Variants in RABGAP1L observed in about 807,000 individuals in gnomAD.
RABGAP1L encodes RAB GTPase activating protein 1 like.
A neutral mutation model predicts 137.7 loss-of-function variants in RABGAP1L; 63 were observed. The ratio of observed to expected loss-of-function variants is 0.46; its 90% confidence interval spans 0.37 to 0.56. The LOEUF (loss-of-function observed/expected upper bound fraction) is 0.56. RABGAP1L is among the 20% of genes least tolerant of loss of function. The pLI is 0.00. For missense variants in RABGAP1L, 1,095 were observed against 1,244.0 expected (o/e 0.88, Z 1.80); for synonymous variants, 431 against 433.7 (o/e 0.99, Z 0.08).
At chr1:174,361,772 T>A (rs887948976) in intron 11 of RABGAP1L, among the ~76,000 whole-genome samples, 2 of 152,216 alleles carry the variant, frequency 1.3e-5, no homozygotes, top group Non-Finnish European at 2.9e-5. Context: ...CCCTTTATTT[T>A]TACTTTTTTA....
chr1:174,221,994 AT>A (rs561413366), intron 3 of RABGAP1L, among the ~76,000 whole-genome samples: 34,226 of 144,056 alleles, frequency 0.24, 4,030 homozygotes, highest in Admixed American at 0.27. Context: ...TGCCTAGCTA[AT>A]TTTTTTTTTT....
At chr1:174,898,907 T>C (rs1057142148) in intron 19 of RABGAP1L, among the ~76,000 whole-genome samples, 1 of 152,162 alleles carries the variant, frequency 6.6e-6, no homozygotes, top group Admixed American at 6.5e-5. Flanking sequence ...GCAGGCAAGA[T>C]TGATATTAAA....
At chr1:174,665,271 T>C (rs1379550970) in intron 14 of RABGAP1L, among the ~76,000 whole-genome samples, 2 of 152,182 alleles carry the variant, frequency 1.3e-5, no homozygotes, top group Non-Finnish European at 2.9e-5. Flanking sequence ...GAACAAATTA[T>C]TTAACCTACC....
intron 24 of RABGAP1L, among the ~76,000 whole-genome samples, chr1:174,988,034 C>T (rs1435843686): frequency 6.6e-6 from 1 of 152,208 alleles, no homozygotes; most frequent in Non-Finnish European, 1.5e-5. Context: ...TGGTCTCAAT[C>T]TCCTGACCTT....
At chr1:174,982,798 C>T (rs1671250491) in intron 23 of RABGAP1L, 36 bp from the exon 24 acceptor site, 1 of 1,541,176 alleles carries the variant, frequency 6.5e-7, no homozygotes, top group Non-Finnish European at 8.8e-7. Context: ...AAGAGTTGTT[C>T]TGTTTTCTAG....
intron 1 of RABGAP1L, 36 bp from the exon 2 acceptor site, chr1:174,219,089 G>T (rs1176634278): frequency 7.1e-7 from 1 of 1,400,364 alleles, no homozygotes; most frequent in African/African-American, 1.5e-5. Context: ...TTTTTAATCA[G>T]TAGGTTTTTT....
At chr1:174,268,838 C>T (rs1465625778) in intron 7 of RABGAP1L, among the ~76,000 whole-genome samples, 1 of 152,092 alleles carries the variant, frequency 6.6e-6, no homozygotes, top group Admixed American at 6.6e-5. Flanking sequence ...GGAGAGCTTT[C>T]TCTTCTTAAT....
At chr1:174,551,772 A>G (rs1473585204) in intron 13 of RABGAP1L, among the ~76,000 whole-genome samples, 3 of 152,058 alleles carry the variant, frequency 2.0e-5, no homozygotes, top group African/African-American at 7.2e-5. Flanking sequence ...AAAAATTAAT[A>G]AAATTGGTAA....
intron 13 of RABGAP1L, among the ~76,000 whole-genome samples, chr1:174,516,211 A>G (rs1384862509): frequency 6.6e-6 from 1 of 151,542 alleles, no homozygotes; most frequent in African/African-American, 2.4e-5. Flanking sequence ...TAGAGTGCAG[A>G]GTGGCACAAT....
At chr1:174,915,983 A>T (rs1660800309) in intron 19 of RABGAP1L, among the ~76,000 whole-genome samples, 1 of 151,940 alleles carries the variant, frequency 6.6e-6, no homozygotes, top group Admixed American at 6.6e-5. Context: ...ATCTTGGCCT[A>T]ATCCAAGACT....
intron 20 of RABGAP1L, chr1:174,958,296 G>A (rs1309788510): frequency 5.3e-6 from 5 of 945,542 alleles, no homozygotes; most frequent in South Asian, 3.3e-5. Context: ...ATTTTAATAC[G>A]TTCGTTAATT....
intron 13 of RABGAP1L, among the ~76,000 whole-genome samples, chr1:174,547,041 A>AG (rs976252273): frequency 8.4e-5 from 8 of 94,832 alleles, no homozygotes; most frequent in African/African-American, 2.7e-4. Flanking sequence ...AAAAAAAAAA[A>AG]AAAAAAAAAA....
chr1:174,598,666 TC>T (rs1392213511), intron 13 of RABGAP1L, among the ~76,000 whole-genome samples: 3 of 152,160 alleles, frequency 2.0e-5, no homozygotes, highest in Admixed American at 2.0e-4. Flanking sequence ...GACCTTTTGG[TC>T]TCTTTTCATA....
intron 13 of RABGAP1L, among the ~76,000 whole-genome samples, chr1:174,481,977 T>G (rs1247429735): frequency 1.3e-5 from 2 of 152,058 alleles, no homozygotes; most frequent in East Asian, 3.8e-4. Context: ...AACCTGTTAA[T>G]CAGTTGATCT....
chr1:174,500,225 G>A (rs139346225), intron 13 of RABGAP1L, among the ~76,000 whole-genome samples: 5,290 of 152,044 alleles, frequency 0.035, 124 homozygotes, highest in Middle Eastern at 0.088. Flanking sequence ...GATTACAGGC[G>A]CACACCACTA....
chr1:174,472,322 T>C (rs1360098823), intron 13 of RABGAP1L, among the ~76,000 whole-genome samples: 2 of 152,154 alleles, frequency 1.3e-5, no homozygotes, highest in Non-Finnish European at 2.9e-5. Context: ...GAAGGGTCCA[T>C]GGGACCTAGT....
At chr1:174,935,485 G>A (rs1030220832) in intron 19 of RABGAP1L, 1 of 152,148 alleles carries the variant, frequency 6.6e-6, no homozygotes, top group Non-Finnish European at 1.5e-5. Context: ...CTTTGAAAAT[G>A]TGTCTCAGAA....
chr1:174,871,660 A>G (rs182144287), intron 19 of RABGAP1L, among the ~76,000 whole-genome samples: 2 of 152,170 alleles, frequency 1.3e-5, no homozygotes, highest in East Asian at 3.9e-4. Flanking sequence ...TGTTCCCTAA[A>G]CCTACCCTCT....
chr1:174,491,522 G>A (rs1180771850), intron 13 of RABGAP1L, among the ~76,000 whole-genome samples: 1 of 151,886 alleles, frequency 6.6e-6, no homozygotes, highest in Non-Finnish European at 1.5e-5. Flanking sequence ...GAGCCACAAG[G>A]GGTCTCTTTT....
Sources: gnomAD v4.1 joint callset for allele counts (sites outside exome capture counted in the v4.1 genomes callset) on GRCh38, gnomAD v4.1.1 for gene constraint, MANE v1.5 for transcripts, NCBI Gene and HGNC (gene_info 2026-07-23, HGNC 2026-07-21) for gene names.